ZNF648: variants seen among roughly 807,000 people sequenced by gnomAD.
The protein encoded by ZNF648 is zinc finger protein 648.
In ZNF648, 1 loss-of-function variant was observed where a neutral mutation model predicts 0.3. The ratio of observed to expected loss-of-function variants is 3.90; its 90% CI spans 1.39 to 18.51. ZNF648 has a LOEUF of 18.51. Among genes scored for constraint, ZNF648 ranks in the 30% most tolerant of loss-of-function variants. ZNF648 has a pLI of 0.11. For synonymous variants in ZNF648, 376 were observed against 326.8 expected (o/e 1.15, Z -1.62); for missense variants, 874 against 769.7 (o/e 1.14, Z -1.60).
Position 182,056,708 on chromosome 1 carries a change from G to T in ZNF648, c.1303C>A (p.Leu435Met). Residue 435 changes from leucine to methionine, a missense_variant, in exon 2 of 2, where the codon CTG (leucine) becomes ATG (methionine). Leu to Met is a conservative substitution (Grantham distance 15, BLOSUM62 2). Transcript: ENST00000339948. ...GTGTGCAGCGTCTGGTGCTCGGACA[G>T]ATTGGAGGACTTGGTGAAGCACTTG... ...CGKCFTKSSN[L>M]SEHQTLHTGQ... 3.1e-6 allele frequency: 5 copies of T among 1,595,770 alleles called. No individual in the cohort carries two copies. Among genetic ancestry groups the T allele is most frequent in the Non-Finnish European group, 4.3e-6 (5 of 1,171,158 alleles).
In ZNF648 at chr1:182,056,816, G is replaced by C. The variant is rs1398547396; in HGVS notation, c.1195C>G (p.Arg399Gly). The C allele has an allele frequency of 8.4e-6, 13 of 1,551,316 alleles. No individual in the cohort carries two copies. The highest frequency in any genetic ancestry group is 7.3e-5 in the East Asian group (3 of 40,912). ...ATGCGGCTGGCCACAGCGAACTCCC[G>C]GTCGCAGGCGGGGCAGCGGAAGGGC... is the stretch of plus-strand genomic sequence containing the variant. Reference protein sequence around the residue: ...AKPFRCPACDREFAVASRMVE... With the variant: ...AKPFRCPACDGEFAVASRMVE... The change falls in exon 2 of 2, where the codon CGG becomes GGG. Residue 399 changes from arginine to glycine, a missense_variant. By Grantham distance (125) the Arg-to-Gly change is moderately radical. Coordinates refer to ENST00000339948, the MANE Select transcript of ZNF648 (RefSeq NM_001009992.1).
chr1:182,066,917 A>T, the ZNF648 span, among the ~76,000 whole-genome samples: 1 of 152,148 alleles, frequency 6.6e-6, no homozygotes, highest in South Asian at 2.1e-4. Flanking sequence ...TGCTTCCAGA[A>T]GGGTGCCATT....
upstream of ZNF648, chr1:182,063,852 CTT>C (rs1303289586): frequency 2.0e-5 from 3 of 152,114 alleles, no homozygotes; most frequent in African/African-American, 7.2e-5. Flanking sequence ...ACGTTTAAGT[CTT>C]TAATTCATCT....
At chr1:182,058,328 G>C (rs887603078) in intron 1 of ZNF648, among the ~76,000 whole-genome samples, 2 of 152,138 alleles carry the variant, frequency 1.3e-5, no homozygotes, top group Non-Finnish European at 2.9e-5. Context: ...CATTTGCTGG[G>C]TGCCAGCTGT....
chr1:182,056,820 G>T lies in ZNF648; in HGVS notation c.1191C>A (p.Cys397Ter), dbSNP rs1322794160. 1.4e-5 allele frequency: 22 copies of T among 1,553,836 alleles called. 1 individual carries two copies. The East Asian group carries it at 5.3e-4, about 38-fold the overall frequency. The change falls in exon 2 of 2, where the codon TGC becomes TGA. Residue 397 changes from cysteine (C) to a stop codon, truncating the protein, a stop_gained. Coordinates refer to ENST00000339948, the MANE Select transcript of ZNF648 (RefSeq NM_001009992.1). LOFTEE classifies it low-confidence loss of function (END_TRUNC). ...LGAKPFRCPACDREFAVASRM... is the reference protein window; with the variant it reads ...LGAKPFRCPA ...GGCTGGCCACAGCGAACTCCCGGTC[G>T]CAGGCGGGGCAGCGGAAGGGCTTGG...
rs1226604237 is a variant in ZNF648, at chr1:182,056,600, T to A, written c.1411A>T (p.Thr471Ser). 1 of 1,613,632 alleles carries A rather than the reference T, an allele frequency of 6.2e-7. No individual in the cohort carries two copies. The highest frequency in any genetic ancestry group is 1.7e-5 in the Admixed American group (1 of 59,952). ...SRLVRHQRIH[T>S]GERPFPCTQC... ...GTGCAAGGAAAGGGCCTCTCGCCAG[T>A]GTGGATGCGCTGGTGGCGCACGAGG... is the stretch of plus-strand genomic sequence containing the variant. The change falls in exon 2 of 2, where the codon ACT becomes TCT. Residue 471 changes from threonine (T) to serine (S), a missense_variant. Transcript: ENST00000339948.
rs200831705 is a variant in ZNF648 at position 182,057,205 on chromosome 1, G to A, written c.806C>T (p.Ala269Val). 1.2e-4 allele frequency: 191 copies of A among 1,569,024 alleles called. No homozygotes were observed. In the African/African-American group the frequency reaches 2.3e-3, roughly 19 times the overall value. The change falls in exon 2 of 2, where the codon GCG (alanine) becomes GTG (valine). Residue 269 changes from alanine (A) to valine (V), a missense_variant. Physicochemically the swap from Ala to Val is moderately conservative, Grantham distance 64. Transcript: ENST00000339948. Reference sequence around the variant, plus strand: ...CTTGGCGGCGCCGCCGCGCGTCTCCGCGGGGCTCAGCGGCTTGCTGGGCTT... The same window carrying A: ...CTTGGCGGCGCCGCCGCGCGTCTCCACGGGGCTCAGCGGCTTGCTGGGCTT... Reference protein sequence around the residue: ...FQKPSKPLSPAETRGGAAKRY... With the variant: ...FQKPSKPLSPVETRGGAAKRY...
rs576003560 is a variant in ZNF648, at chr1:182,056,794, C to A, written c.1217G>T (p.Arg406Leu). ...ACDREFAVASRMVEHQRVHSG... is the reference protein window; with the variant it reads ...ACDREFAVASLMVEHQRVHSG... ...GTGCACGCGCTGGTGCTCCACCATGCGGCTGGCCACAGCGAACTCCCGGTC... is the reference window on the plus strand; with the variant it reads ...GTGCACGCGCTGGTGCTCCACCATGAGGCTGGCCACAGCGAACTCCCGGTC... Residue 406 changes from arginine to leucine, a missense_variant, in exon 2 of 2, where the codon CGC (arginine) becomes CTC (leucine). Arg to Leu is a moderately radical substitution (Grantham distance 102). Transcript: ENST00000339948. 2.6e-6 allele frequency: 4 copies of A among 1,540,732 alleles called. No homozygotes were observed. Among genetic ancestry groups the A allele is most frequent in the African/African-American group, 2.9e-5 (2 of 70,100 alleles).
At chr1:182,067,134 G>A in the ZNF648 span, among the ~76,000 whole-genome samples, 1 of 152,200 alleles carries the variant, frequency 6.6e-6, no homozygotes, top group African/African-American at 2.4e-5. Context: ...GACATCACAT[G>A]TCAGTACTTC....
Position 182,056,765 on chromosome 1 carries a change from C to T in ZNF648, c.1246G>A (p.Gly416Ser). Residue 416 changes from glycine (G) to serine (S), a missense_variant, in exon 2 of 2, where the codon GGC (glycine) becomes AGC (serine). By Grantham distance (56) the Gly-to-Ser change is moderately conservative. Transcript: ENST00000339948. ...GTGGGGCAGGGGAAGGGCCGCTCGC[C>T]CGAGTGCACGCGCTGGTGCTCCACC... Reference protein sequence around the residue: ...RMVEHQRVHSGERPFPCPTCG... With the variant: ...RMVEHQRVHSSERPFPCPTCG... 6.4e-7 allele frequency: 1 copy of T among 1,564,666 alleles called. No homozygotes were observed. Among genetic ancestry groups the T allele is most frequent in the Non-Finnish European group, 8.7e-7 (1 of 1,154,802 alleles).
chr1:182,069,579 G>A, the ZNF648 span, among the ~76,000 whole-genome samples: 1 of 152,130 alleles, frequency 6.6e-6, no homozygotes. Flanking sequence ...TGAACAGTAA[G>A]CATGTCTATT....
In ZNF648 at chr1:182,057,774, C is replaced by T. The variant is rs138053919; in HGVS notation, c.237G>A (p.Glu79=). 127 of 1,614,228 alleles carry T rather than the reference C, an allele frequency of 7.9e-5. No individual in the cohort carries two copies. In the African/African-American group the frequency reaches 1.5e-3, roughly 20 times the overall value. The change falls in exon 2 of 2, where the codon GAG becomes GAA. Residue 79 remains glutamate (E), a synonymous_variant. Coordinates refer to ENST00000339948, the MANE Select transcript of ZNF648 (RefSeq NM_001009992.1). ...CAGCACTGGAGGAGTCAGAGAATTT[C>T]TCTTCCTCTTTGCCCAGTGGATGGG... ...PWPHPLGKEE[E]KFSDSSSAGG...
At chr1:182,064,202 A>G (rs1027498579), upstream of ZNF648, 1 of 152,198 alleles carries the variant, frequency 6.6e-6, no homozygotes, top group Admixed American at 6.5e-5. Flanking sequence ...TTGGTTCTAT[A>G]TGAATTTTAA....
chr1:182,057,700 C>A lies in ZNF648; in HGVS notation c.311G>T (p.Ser104Ile), dbSNP rs765388937. The change falls in exon 2 of 2, where the codon AGC (serine) becomes ATC (isoleucine). Residue 104 changes from serine (S) to isoleucine (I), a missense_variant. By Grantham distance (142) the Ser-to-Ile change is moderately radical. Transcript: ENST00000339948. Reference sequence around the variant, plus strand: ...CTCGTTGATCTTTGTCACATCTCTGCTCCAACTGGCTTTCCCAGACATTTC... The same window carrying A: ...CTCGTTGATCTTTGTCACATCTCTGATCCAACTGGCTTTCCCAGACATTTC... ...PVEMSGKASW[S>I]RDVTKINETQ... 6.2e-7 allele frequency: 1 copy of A among 1,614,236 alleles called. No homozygotes were observed. The highest frequency in any genetic ancestry group is 8.5e-7 in the Non-Finnish European group (1 of 1,180,050).
At chr1:182,058,980 G>A (rs1665987619) in intron 1 of ZNF648, among the ~76,000 whole-genome samples, 1 of 152,082 alleles carries the variant, frequency 6.6e-6, no homozygotes, top group Non-Finnish European at 1.5e-5. Context: ...CCACCACCAT[G>A]CCCGGCTAAT....
chr1:182,057,656 C>T lies in ZNF648; in HGVS notation c.355G>A (p.Ala119Thr). ...KINETQGSPG[A>T]SRALGSLPSG... ...GGAAGGGAACCCAGAGCTCTGCTTG[C>T]TCCCGGGGAACCCTGGGTCTCGTTG... Residue 119 changes from alanine to threonine, a missense_variant, in exon 2 of 2, where the codon GCA becomes ACA. Physicochemically the swap from Ala to Thr is moderately conservative, Grantham distance 58 (BLOSUM62 0). Transcript: ENST00000339948. 6.2e-7 allele frequency: 1 copy of T among 1,614,250 alleles called. No homozygotes were observed. The highest frequency in any genetic ancestry group is 8.5e-7 in the Non-Finnish European group (1 of 1,180,042).
Position 182,057,918 on chromosome 1 carries a change from C to G in ZNF648, c.93G>C (p.Met31Ile), listed in dbSNP as rs758004089. 1 of 1,614,086 alleles carries G rather than the reference C, an allele frequency of 6.2e-7. No individual in the cohort carries two copies. Among genetic ancestry groups the G allele is most frequent in the Admixed American group, 1.7e-5 (1 of 60,024 alleles). Residue 31 changes from methionine (M) to isoleucine (I), a missense_variant, in exon 2 of 2, where the codon ATG becomes ATC. Transcript: ENST00000339948. ...CATCTTCATCGTCACTCTCTAAGTT[C>G]ATGCTCAGCATCTGGGTGTCATGAG... is the stretch of plus-strand genomic sequence containing the variant. ...EEAHDTQMLSMNLESDDEDGG... is the reference protein window; with the variant it reads ...EEAHDTQMLSINLESDDEDGG...
chr1:182,065,508 C>T (rs1369428416), upstream of ZNF648, among the ~76,000 whole-genome samples: 2 of 152,156 alleles, frequency 1.3e-5, no homozygotes, highest in African/African-American at 4.8e-5. Flanking sequence ...TAGCAGACAC[C>T]TTGGGACTTC....
At chr1:182,059,803 C>CA (rs11439786) in intron 1 of ZNF648, among the ~76,000 whole-genome samples, 124,264 of 136,950 alleles carry the variant, frequency 0.91, 56,445 homozygotes, top group Admixed American at 0.94. Context: ...GACTACATCT[C>CA]AAAAAAAAAA....
Sources: allele counts gnomAD v4.1 joint callset (sites outside exome capture counted in the v4.1 genomes callset), GRCh38; gene constraint gnomAD v4.1.1; transcripts MANE v1.5; gene names NCBI Gene and HGNC (gene_info 2026-07-23, HGNC 2026-07-21).